The following RBM47 variants were observed in gnomAD, a reference collection of about 807,000 sequenced individuals.
RBM47 encodes the protein RNA-binding protein 47.
A neutral mutation model predicts 47.1 loss-of-function variants in RBM47; 21 were observed. The ratio of observed to expected loss-of-function variants is 0.45; its 90% CI spans 0.32 to 0.64. The LOEUF (loss-of-function observed/expected upper bound fraction) is 0.64. Ranked by LOEUF, RBM47 falls within the 30% of genes least tolerant of loss-of-function variation. The pLI, the probability that RBM47 is intolerant of heterozygous loss-of-function variation, is 0.05. For synonymous variants in RBM47, 375 were observed against 361.7 expected, an observed-to-expected ratio of 1.04 and a Z score of -0.42; for missense variants, 708 against 870.9, an observed-to-expected ratio of 0.81 and a Z score of 2.35.
chr4:40,469,659 G>A (rs1351354411), intron 2 of RBM47, among the ~76,000 whole-genome samples: 1 of 150,064 alleles, frequency 6.7e-6, no homozygotes, highest in Non-Finnish European at 1.5e-5. Context: ...AGTTATTCTG[G>A]AAAGTCAGAT....
Position 40,452,103 on chromosome 4 carries a change from G to A in RBM47, c.-31-13179C>T, listed in dbSNP as rs1351314504. 4.0e-5 allele frequency among the ~76,000 whole-genome samples: 6 copies of A among 151,764 alleles called. No individual in the cohort carries two copies. The East Asian group carries it at 9.7e-4, about 24-fold the overall frequency. ...GAGAATTGCTTGAACCCAGGAGGTA[G>A]AGGCTGCAATGAGCCGAGATCATGC... is the stretch of plus-strand genomic sequence containing the variant. On this transcript the variant is annotated intron_variant, in intron 3 of 6. Transcript: ENST00000295971.
chr4:40,496,759 T>A (rs903826319), intron 2 of RBM47, among the ~76,000 whole-genome samples: 2 of 152,024 alleles, frequency 1.3e-5, no homozygotes, highest in Non-Finnish European at 2.9e-5. Flanking sequence ...CAGAAAAATG[T>A]CCAGGCACAG....
intron 1 of RBM47, among the ~76,000 whole-genome samples, chr4:40,614,224 AC>A (rs1447260237): frequency 6.6e-6 from 1 of 152,132 alleles, no homozygotes; most frequent in African/African-American, 2.4e-5. Flanking sequence ...AAGCCAAGTA[AC>A]CATCCCCCAT....
At chr4:40,429,368 T>C (rs546970083) in intron 6 of RBM47, among the ~76,000 whole-genome samples, 10 of 152,192 alleles carry the variant, frequency 6.6e-5, no homozygotes, top group African/African-American at 2.4e-4. Flanking sequence ...ATTTTCTATC[T>C]GTGAAATTGT....
intron 3 of RBM47, among the ~76,000 whole-genome samples, chr4:40,460,954 C>A (rs1238357212): frequency 1.3e-5 from 2 of 151,240 alleles, no homozygotes; most frequent in Non-Finnish European, 2.9e-5. Context: ...ATCAGTTTTC[C>A]CAGTCTCTAT....
At position 40,536,074 on chromosome 4, in the gene RBM47, A is replaced by G. The variant is rs115835816; in HGVS notation, c.-155+8348T>C. On this transcript the variant is annotated intron_variant, in intron 2 of 6. Coordinates refer to ENST00000295971, the MANE Select transcript of RBM47 (RefSeq NM_001098634.2). ...CTTGTATTTTGCTGACCTTGTTCTT[A>G]GTTTCAAATAACTCATTTATTTTGC... 6.3e-3 allele frequency among the ~76,000 whole-genome samples: 960 copies of G among 152,290 alleles called. 10 individuals are homozygous for G. Among genetic ancestry groups the G allele is most frequent in the African/African-American group, 0.022 (916 of 41,558 alleles).
chr4:40,542,179 AT>A (rs1728612287), intron 2 of RBM47, among the ~76,000 whole-genome samples: 1 of 152,220 alleles, frequency 6.6e-6, no homozygotes, highest in African/African-American at 2.4e-5. Context: ...AAACAAAAAA[AT>A]CTGATCATCA....
At chr4:40,447,929 T>C (rs1050283673) in intron 3 of RBM47, among the ~76,000 whole-genome samples, 32 of 152,136 alleles carry the variant, frequency 2.1e-4, no homozygotes, top group Non-Finnish European at 4.0e-4. Flanking sequence ...GAGAATGGCG[T>C]GAACCCGGGA....
chr4:40,504,340 G>C (rs1723803846), intron 2 of RBM47, among the ~76,000 whole-genome samples: 1 of 143,914 alleles, frequency 6.9e-6, no homozygotes, highest in African/African-American at 2.6e-5. Context: ...ACCCAGTCTA[G>C]AGTGCAGTAG....
chr4:40,556,293 C>T (rs1342772724), intron 1 of RBM47, among the ~76,000 whole-genome samples: 2 of 152,008 alleles, frequency 1.3e-5, no homozygotes, highest in African/African-American at 4.8e-5. Context: ...GCCTCAGCCT[C>T]CCAAAGTGCT....
intron 3 of RBM47, among the ~76,000 whole-genome samples, chr4:40,454,083 C>A (rs1434881320): frequency 6.6e-6 from 1 of 152,174 alleles, no homozygotes; most frequent in Non-Finnish European, 1.5e-5. Context: ...GGCACATAAT[C>A]CACAGCCATT....
At position 40,436,457 on chromosome 4, in the gene RBM47, G is replaced by C. The variant is rs774310914; in HGVS notation, c.1314C>G (p.Ala438=). The change falls in exon 5 of 7, where the codon GCC becomes GCG. Residue 438 remains alanine, a synonymous_variant. Coordinates refer to ENST00000295971, the MANE Select transcript of RBM47 (RefSeq NM_001098634.2). The part of the protein sequence containing the change: ...NLEIPTVNPV[A]IKPGTVAIPA... ...CATACTGACCTGTACCAGGTTTAATGGCAACTGGGTTGACGGTAGGGATTT... is the reference window on the plus strand; with the variant it reads ...CATACTGACCTGTACCAGGTTTAATCGCAACTGGGTTGACGGTAGGGATTT... 6.2e-7 allele frequency: 1 copy of C among 1,613,812 alleles called. No individual in the cohort carries two copies. The highest frequency in any genetic ancestry group is 2.2e-5 in the East Asian group (1 of 44,884).
At chr4:40,614,735 A>G (rs1410060851) in intron 1 of RBM47, among the ~76,000 whole-genome samples, 1 of 152,076 alleles carries the variant, frequency 6.6e-6, no homozygotes, top group Non-Finnish European at 1.5e-5. Flanking sequence ...GGAGGCTAAG[A>G]TGGAAAGATC....
In RBM47 at chr4:40,437,961, C is replaced by T. The variant is rs1487998306; in HGVS notation, c.933G>A (p.Leu311=). The part of the protein sequence containing the change: ...LNGTELEGSC[L]EVTLAKPVDK... ...CCACGGGCTTGGCCAGCGTGACCTC[C>T]AGGCACGAGCCCTCCAGCTCAGTGC... is the stretch of plus-strand genomic sequence containing the variant. Residue 311 remains leucine (L), a synonymous_variant, in exon 4 of 7, where the codon CTG becomes CTA. Coordinates refer to ENST00000295971, the MANE Select transcript of RBM47 (RefSeq NM_001098634.2). The T allele has an allele frequency of 6.8e-6, 11 of 1,613,388 alleles. No homozygotes were observed. Among genetic ancestry groups the T allele is most frequent in the Middle Eastern group, 1.6e-4 (1 of 6,084 alleles).
At chr4:40,437,363 T>C (rs1337372972) in intron 4 of RBM47, among the ~76,000 whole-genome samples, 1 of 151,388 alleles carries the variant, frequency 6.6e-6, no homozygotes, top group African/African-American at 2.4e-5. Context: ...CAGGTTATGC[T>C]GGGTGTCATT....
intron 1 of RBM47, among the ~76,000 whole-genome samples, chr4:40,591,202 G>A (rs966917865): frequency 2.0e-5 from 3 of 152,142 alleles, no homozygotes; most frequent in Non-Finnish European, 4.4e-5. Flanking sequence ...GGGATGAGGA[G>A]TAACTTCTTA....
At chr4:40,432,937 A>G in intron 5 of RBM47, 75 bp from the exon 6 acceptor site, 1 of 1,529,310 alleles carries the variant, frequency 6.5e-7, no homozygotes, top group Non-Finnish European at 8.7e-7. Flanking sequence ...TTGCTCTAAG[A>G]TATTTTTTAT....
intron 1 of RBM47, among the ~76,000 whole-genome samples, chr4:40,578,632 A>G (rs1424525243): frequency 6.6e-6 from 1 of 152,138 alleles, no homozygotes; most frequent in Non-Finnish European, 1.5e-5. Context: ...AGCTTTGCTT[A>G]TGGCCTTTTC....
At chr4:40,594,267 T>C (rs534506002) in intron 1 of RBM47, among the ~76,000 whole-genome samples, 3 of 152,238 alleles carry the variant, frequency 2.0e-5, no homozygotes, top group Admixed American at 1.3e-4. Flanking sequence ...CCTGAGGCCA[T>C]TGCACACTGC....
Sources: gnomAD v4.1 joint callset for allele counts (sites outside exome capture counted in the v4.1 genomes callset) on GRCh38, gnomAD v4.1.1 for gene constraint, MANE v1.5 for transcripts, NCBI Gene and HGNC (gene_info 2026-07-23, HGNC 2026-07-21) for gene names.